The following ACO1 variants were observed in gnomAD, a reference collection of about 807,000 sequenced individuals.
ACO1 encodes the protein aconitase 1, also known as cytoplasmic aconitate hydratase.
A neutral mutation model predicts 105.1 loss-of-function variants in ACO1; 78 were observed. The ratio of observed to expected loss-of-function variants is 0.74; its 90% CI spans 0.62 to 0.90. The LOEUF is 0.90. ACO1 is among the 40% of genes least tolerant of loss of function. ACO1 has a pLI of 0.00. For synonymous variants in ACO1, 364 were observed against 397.4 expected (o/e 0.92, Z 1.00); for missense variants, 965 against 1,111.1 (o/e 0.87, Z 1.87).
intron 8 of ACO1, 66 bp downstream of exon 8, chr9:32,421,093 G>T (rs1198515235): frequency 6.5e-7 from 1 of 1,539,640 alleles, no homozygotes; most frequent in South Asian, 1.2e-5. Flanking sequence ...AAGAATCTGA[G>T]CACTGCCTTC....
rs761603433 is a variant in ACO1 at position 32,405,579 on chromosome 9, A to G, written c.73A>G (p.Asn25Asp). The G allele has an allele frequency of 5.0e-6, 8 of 1,612,852 alleles. No individual in the cohort carries two copies. The highest frequency in any genetic ancestry group is 6.8e-6 in the Non-Finnish European group (8 of 1,179,058). ...VQPGKKFFNL[N>D]KLEDSRYGRL... ...ACCAGGAAAGAAATTCTTCAATTTGAATAAATTGGAGGATTCAAGATATGG... is the reference window on the plus strand; with the variant it reads ...ACCAGGAAAGAAATTCTTCAATTTGGATAAATTGGAGGATTCAAGATATGG... Residue 25 changes from asparagine to aspartate, a missense_variant, in exon 2 of 21, where the codon AAT (asparagine) becomes GAT (aspartate). Transcript: ENST00000309951.
chr9:32,433,567 G>C (rs1257549247), intron 15 of ACO1, among the ~76,000 whole-genome samples, 161 bp from the exon 16 acceptor site: 3 of 152,080 alleles, frequency 2.0e-5, no homozygotes, highest in Non-Finnish European at 4.4e-5. Context: ...AAGTTACTTA[G>C]CATGACCCAC....
intron 19 of ACO1, among the ~76,000 whole-genome samples, chr9:32,447,384 G>A (rs1029855467): frequency 3.9e-5 from 6 of 151,940 alleles, no homozygotes; most frequent in African/African-American, 9.7e-5. Context: ...ATATACTCAC[G>A]AAGTTCTCGT....
intron 1 of ACO1, among the ~76,000 whole-genome samples, chr9:32,404,169 C>T (rs1214771161): frequency 6.6e-6 from 1 of 152,134 alleles, no homozygotes. Context: ...TATGCACTCT[C>T]ACCTCAAAAA....
At chr9:32,393,609 C>T (rs1417973742) in intron 1 of ACO1, among the ~76,000 whole-genome samples, 1 of 152,200 alleles carries the variant, frequency 6.6e-6, no homozygotes, top group Non-Finnish European at 1.5e-5. Flanking sequence ...TATTCATACA[C>T]TCCCTCCCCT....
intron 6 of ACO1, 61 bp from the exon 7 acceptor site, chr9:32,418,977 T>C (rs1821910824): frequency 2.0e-6 from 3 of 1,470,962 alleles, no homozygotes; most frequent in Middle Eastern, 1.8e-4. Context: ...ACTAAATTTA[T>C]ACCTGAGAGA....
intron 11 of ACO1, 150 bp downstream of exon 11, chr9:32,426,147 T>A: frequency 1.3e-6 from 1 of 770,580 alleles, no homozygotes; most frequent in South Asian, 2.2e-5. Flanking sequence ...CATAAATATC[T>A]ACACAATAAA....
At chr9:32,447,788 C>T (rs1031608219) in intron 19 of ACO1, among the ~76,000 whole-genome samples, 1 of 152,114 alleles carries the variant, frequency 6.6e-6, no homozygotes, top group Non-Finnish European at 1.5e-5. Flanking sequence ...GATACTATTA[C>T]TTTGTTTGTT....
intron 19 of ACO1, among the ~76,000 whole-genome samples, chr9:32,442,391 T>C (rs983434708): frequency 1.3e-4 from 20 of 152,174 alleles, no homozygotes; most frequent in Admixed American, 2.6e-4. Flanking sequence ...ATCTTAAAAG[T>C]GTGCCCTAGA....
intron 1 of ACO1, among the ~76,000 whole-genome samples, chr9:32,398,577 GTT>G (rs72336124): frequency 0.26 from 38,418 of 147,252 alleles, 5,218 homozygotes; most frequent in East Asian, 0.47. Context: ...TTCTTTCTTT[GTT>G]TTTTTTTGTT....
rs7859209 is a variant in ACO1, at chr9:32,443,901, G to C, written c.2370+3314G>C. ...CAGAATGTGCAGGTATACATGTGCCGTGGTGGTTTGCTGCACCCATCAACC... is the reference window on the plus strand; with the variant it reads ...CAGAATGTGCAGGTATACATGTGCCCTGGTGGTTTGCTGCACCCATCAACC... On this transcript the variant is annotated intron_variant, in intron 19 of 20. Transcript: ENST00000309951. Among the ~76,000 whole-genome samples, 20 of 152,148 alleles carry C rather than the reference G, an allele frequency of 1.3e-4. No individual in the cohort carries two copies. The East Asian group carries it at 3.3e-3, about 25-fold the overall frequency.
At position 32,425,791 on chromosome 9, in the gene ACO1, C is replaced by G. The variant is rs531082463; in HGVS notation, c.1189-47C>G. 3.8e-5 allele frequency: 50 copies of G among 1,332,192 alleles called. No homozygotes were observed. In the South Asian group the frequency reaches 6.6e-4, roughly 18 times the overall value. The allele number at this position is 1,332,192 out of a possible 1,614,324, so 82.5% of individuals were successfully genotyped here. ...TTCCTCTAGCCAGATACATGTATAT[C>G]TTATATAAATATATTCCTATATAAT... On this transcript the variant is annotated intron_variant, in intron 10 of 20. Coordinates refer to ENST00000309951, the MANE Select transcript of ACO1 (RefSeq NM_002197.3).
At chr9:32,449,546 C>T (rs925893720) in intron 20 of ACO1, among the ~76,000 whole-genome samples, 17 of 152,266 alleles carry the variant, frequency 1.1e-4, no homozygotes, top group Admixed American at 3.3e-4. Context: ...AGGGGTCATT[C>T]GGTGCCCCAG....
At chr9:32,389,520 G>T (rs764468698) in intron 1 of ACO1, among the ~76,000 whole-genome samples, 1 of 152,062 alleles carries the variant, frequency 6.6e-6, no homozygotes, top group Admixed American at 6.5e-5. Context: ...GAGGCATGGC[G>T]AACCGAAAAA....
At chr9:32,406,681 C>G (rs1821617957) in intron 2 of ACO1, among the ~76,000 whole-genome samples, 1 of 152,182 alleles carries the variant, frequency 6.6e-6, no homozygotes, top group Non-Finnish European at 1.5e-5. Flanking sequence ...GATGTGATGA[C>G]TTAAGGGAAA....
chr9:32,440,693 C>T, intron 19 of ACO1, 106 bp downstream of exon 19: 2 of 1,430,550 alleles, frequency 1.4e-6, no homozygotes, highest in Non-Finnish European at 1.9e-6. Context: ...CAAGGAAGAG[C>T]AAGCTCAAAA....
At chr9:32,434,748 T>A in intron 17 of ACO1, 47 bp downstream of exon 17, 5 of 1,604,182 alleles carry the variant, frequency 3.1e-6, no homozygotes, top group Non-Finnish European at 4.3e-6. Flanking sequence ...AATGGAGGAA[T>A]GGAGTTAATG....
At chr9:32,446,734 T>C (rs1450191561) in intron 19 of ACO1, among the ~76,000 whole-genome samples, 1 of 152,230 alleles carries the variant, frequency 6.6e-6, no homozygotes, top group African/African-American at 2.4e-5. Flanking sequence ...GGTTTTTCCT[T>C]TCCATGTTCA....
intron 4 of ACO1, among the ~76,000 whole-genome samples, chr9:32,415,832 T>A (rs966682683): frequency 1.3e-5 from 2 of 152,142 alleles, no homozygotes; most frequent in African/African-American, 4.8e-5. Flanking sequence ...AGCAAATACT[T>A]TAGGCTTTGC....
Sources: gnomAD v4.1 joint callset for allele counts (sites outside exome capture counted in the v4.1 genomes callset) on GRCh38, gnomAD v4.1.1 for gene constraint, MANE v1.5 for transcripts, NCBI Gene and HGNC (gene_info 2026-07-23, HGNC 2026-07-21) for gene names.